The following RFX8 variants were observed in gnomAD, a reference collection of about 807,000 sequenced individuals.
RFX8 encodes the protein regulatory factor X8.
A neutral mutation model predicts 54.6 loss-of-function variants in RFX8; 46 were observed. That is an observed-to-expected ratio of 0.84 (90% CI 0.67 to 1.08). The LOEUF (loss-of-function observed/expected upper bound fraction) is 1.08. Ranked by LOEUF, RFX8 falls within the 50% of genes least tolerant of loss-of-function variation. The pLI, the probability that RFX8 is intolerant of heterozygous loss-of-function variation, is 0.00. For missense variants in RFX8, 536 were observed against 562.3 expected (o/e 0.95, Z 0.47); for synonymous variants, 192 against 209.5 (o/e 0.92, Z 0.72).
At chr2:101,457,378 T>C (rs924447656) in intron 2 of RFX8, among the ~76,000 whole-genome samples, 3 of 152,246 alleles carry the variant, frequency 2.0e-5, no homozygotes, top group Admixed American at 6.5e-5. Context: ...ACACTTTAAA[T>C]GTGTCCCAGA....
At chr2:101,413,533 G>A (rs1686288655) in intron 7 of RFX8, among the ~76,000 whole-genome samples, 1 of 152,170 alleles carries the variant, frequency 6.6e-6, no homozygotes. Context: ...GTCAAATGGG[G>A]ACTATCTAGT....
At chr2:101,442,019 T>C (rs1435557696) in intron 2 of RFX8, among the ~76,000 whole-genome samples, 4 of 152,202 alleles carry the variant, frequency 2.6e-5, no homozygotes, top group Non-Finnish European at 4.4e-5. Context: ...TTAAACAACG[T>C]TGAGGACTCT....
chr2:101,426,758 C>T (rs1687194259), intron 2 of RFX8, among the ~76,000 whole-genome samples: 5 of 152,094 alleles, frequency 3.3e-5, no homozygotes, highest in Admixed American at 2.6e-4. Context: ...TGCCACCTTT[C>T]CACCATCACC....
chr2:101,427,881 G>A (rs1011443438), intron 2 of RFX8, among the ~76,000 whole-genome samples: 7 of 152,168 alleles, frequency 4.6e-5, no homozygotes, highest in African/African-American at 1.4e-4. Context: ...CCTCAAGAAG[G>A]CTGGTCACTA....
chr2:101,429,011 G>T, intron 2 of RFX8: 2 of 1,528,890 alleles, frequency 1.3e-6, no homozygotes, highest in South Asian at 1.2e-5. Flanking sequence ...AAAGGCAATG[G>T]CATCTCCACT....
intron 2 of RFX8, among the ~76,000 whole-genome samples, chr2:101,461,586 C>T (rs368908014): frequency 2.0e-5 from 3 of 152,042 alleles, no homozygotes; most frequent in African/African-American, 4.8e-5. Flanking sequence ...CCTGATTGTC[C>T]GGCAACATAA....
At chr2:101,472,973 C>T (rs1250419505) in intron 1 of RFX8, among the ~76,000 whole-genome samples, 4 of 151,910 alleles carry the variant, frequency 2.6e-5, no homozygotes, top group East Asian at 1.9e-4. Context: ...GAACCAAGAT[C>T]GTGCCACTGC....
At chr2:101,467,031 T>C in intron 1 of RFX8, 131 bp from the exon 2 acceptor site, 1 of 624,996 alleles carries the variant, frequency 1.6e-6, no homozygotes. Context: ...ATTGGATGAA[T>C]CCCTGCGAAG....
In RFX8 at chr2:101,444,769, TAA is replaced by T. The variant is rs1688280230; in HGVS notation, c.72+22006_72+22007del. ...CCATGAAAAAATCATGCAGACTTGATAAAATAAATACATCAAAGTACAGATCA... is the reference window on the plus strand; with the variant it reads ...CCATGAAAAAATCATGCAGACTTGATAATAAATACATCAAAGTACAGATCA... On this transcript the variant is annotated intron_variant, in intron 2 of 11. Coordinates refer to ENST00000428343, the MANE Select transcript of RFX8 (RefSeq NM_001145664.2). Among the ~76,000 whole-genome samples the T allele has an allele frequency of 5.9e-5, 9 of 152,202 alleles. No individual in the cohort carries two copies. In the South Asian group the frequency reaches 1.9e-3, roughly 31 times the overall value.
intron 2 of RFX8, among the ~76,000 whole-genome samples, chr2:101,446,905 A>G (rs1017736160): frequency 1.3e-5 from 2 of 152,200 alleles, no homozygotes; most frequent in Admixed American, 1.3e-4. Context: ...CACCAGGGAC[A>G]TTCTAACAGT....
intron 2 of RFX8, among the ~76,000 whole-genome samples, chr2:101,425,172 C>T (rs1390708362): frequency 1.3e-5 from 2 of 152,206 alleles, no homozygotes; most frequent in Non-Finnish European, 2.9e-5. Flanking sequence ...CTGAGGAATC[C>T]TCAATTTCAG....
rs943078686 is a variant in RFX8, at chr2:101,401,366, A to G, written c.1245+1070T>C. ...CTCTGCAATCGGAGAACTCGCAATGAGAGTCTGCTCAAGAAGGAAAGGGCC... is the reference window on the plus strand; with the variant it reads ...CTCTGCAATCGGAGAACTCGCAATGGGAGTCTGCTCAAGAAGGAAAGGGCC... On this transcript the variant is annotated intron_variant, in intron 11 of 11. Coordinates refer to ENST00000428343, the MANE Select transcript of RFX8 (RefSeq NM_001145664.2). 3.3e-5 allele frequency among the ~76,000 whole-genome samples: 5 copies of G among 152,078 alleles called. No homozygotes were observed. The East Asian group carries it at 9.7e-4, about 29-fold the overall frequency.
chr2:101,421,866 C>T lies in RFX8; in HGVS notation c.184-89G>A, dbSNP rs74533434. ...AGACTTTTCTGAAGCTCTCAGAGGC[C>T]GCTCTTGTTGCAATTCTCAAATGAC... On this transcript the variant is annotated intron_variant, in intron 3 of 11. Transcript: ENST00000428343. The T allele has an allele frequency of 3.5e-4, 328 of 943,416 alleles. 1 individual carries two copies. In the African/African-American group the frequency reaches 4.8e-3, roughly 14 times the overall value. 58.4% of individuals were successfully genotyped at this position (943,416 alleles called of 1,614,324 possible).
intron 9 of RFX8, among the ~76,000 whole-genome samples, 172 bp downstream of exon 9, chr2:101,410,447 T>C (rs533451542): frequency 6.7e-6 from 1 of 149,004 alleles, no homozygotes; most frequent in African/African-American, 2.5e-5. Context: ...CAGACCCCCA[T>C]TCTCCACCTG....
At chr2:101,474,605 A>C in intron 1 of RFX8, 31 bp downstream of exon 1, 1 of 253,098 alleles carries the variant, frequency 4.0e-6, no homozygotes, top group Non-Finnish European at 7.5e-6. Flanking sequence ...AACCAGTCAA[A>C]CAGGGACGCG....
chr2:101,436,079 C>A (rs1382664984), intron 2 of RFX8, among the ~76,000 whole-genome samples: 2 of 152,104 alleles, frequency 1.3e-5, no homozygotes, highest in African/African-American at 4.8e-5. Context: ...ACCCTCTTCT[C>A]CCCTCCCCAG....
chr2:101,397,632 A>G lies in RFX8; in HGVS notation c.1338T>C (p.Asp446=). 1 of 1,551,468 alleles carries G rather than the reference A, an allele frequency of 6.4e-7. No homozygotes were observed. Residue 446 remains aspartate, a synonymous_variant, in exon 12 of 12, where the codon GAT becomes GAC. Coordinates refer to ENST00000428343, the MANE Select transcript of RFX8 (RefSeq NM_001145664.2). ...MGQEALITLK[D]GQQFVIQISD... ...ATATCTGAATCACAAATTGTTGTCC[A>G]TCTTTTAGGGTTATGAGGGCTTCTT...
chr2:101,431,018 A>G (rs768378874), intron 2 of RFX8, among the ~76,000 whole-genome samples: 6 of 152,192 alleles, frequency 3.9e-5, no homozygotes, highest in Non-Finnish European at 7.3e-5. Context: ...CCAATTCCAC[A>G]TTGTGTCAGC....
At chr2:101,464,351 A>T (rs1408076442) in intron 2 of RFX8, among the ~76,000 whole-genome samples, 1 of 152,200 alleles carries the variant, frequency 6.6e-6, no homozygotes, top group Non-Finnish European at 1.5e-5. Context: ...AAATTCCCTA[A>T]TCCATGTAAA....
Sources: allele counts gnomAD v4.1 joint callset (sites outside exome capture counted in the v4.1 genomes callset), GRCh38; gene constraint gnomAD v4.1.1; transcripts MANE v1.5; gene names NCBI Gene and HGNC (gene_info 2026-07-23, HGNC 2026-07-21).